Variants in DSCAML1 observed in about 807,000 individuals in gnomAD.
DSCAML1 encodes the protein cell adhesion molecule DSCAML1.
Under a neutral mutation model 200.5 loss-of-function variants are expected in DSCAML1, and 38 were observed. That is an observed-to-expected ratio of 0.19 (90% CI 0.15 to 0.25). The LOEUF is 0.25. Among genes scored for constraint, DSCAML1 ranks in the 10% least tolerant of loss-of-function variants. The pLI is 1.00. For missense variants in DSCAML1, 2,223 were observed against 2,858.8 expected (o/e 0.78, Z 5.07); for synonymous variants, 1,215 against 1,165.0 (o/e 1.04, Z -0.87).
At chr11:117,811,346 A>G (rs2134090256) in intron 1 of DSCAML1, among the ~76,000 whole-genome samples, 1 of 152,236 alleles carries the variant, frequency 6.6e-6, no homozygotes, top group South Asian at 2.1e-4. Context: ...ATTAAATAAA[A>G]CTCCAAAAAT....
At chr11:117,462,513 A>C (rs59533604) in intron 17 of DSCAML1, among the ~76,000 whole-genome samples, 24,517 of 152,224 alleles carry the variant, frequency 0.16, 3,082 homozygotes, top group East Asian at 0.46. Context: ...GAAAGGATGC[A>C]CAGGCTGGCT....
intron 3 of DSCAML1, among the ~76,000 whole-genome samples, chr11:117,600,336 C>T (rs1473828680): frequency 2.6e-5 from 4 of 152,118 alleles, no homozygotes; most frequent in Non-Finnish European, 4.4e-5. Context: ...TAACATCTTG[C>T]AGGCACGTGA....
At chr11:117,578,048 A>C (rs1450058557) in intron 3 of DSCAML1, among the ~76,000 whole-genome samples, 1 of 151,454 alleles carries the variant, frequency 6.6e-6, no homozygotes, top group Non-Finnish European at 1.5e-5. Context: ...CAGCCTGACC[A>C]GCATGGTGAA....
rs565786169 is a variant in DSCAML1, at chr11:117,504,086, G to A, written c.2183-65C>T. On this transcript the variant is annotated intron_variant, in intron 10 of 32. Coordinates refer to ENST00000651296, the MANE Select transcript of DSCAML1 (RefSeq NM_020693.4). This position sits in a 1 kb window ranked among gnomAD's most constrained non-coding sequence, Gnocchi z 5.0. ...GGGGCATAAGCTGAGAGTGCCCCAGGAGTGGCCCTGACACCTCGCTCTTGC... is the reference window on the plus strand; with the variant it reads ...GGGGCATAAGCTGAGAGTGCCCCAGAAGTGGCCCTGACACCTCGCTCTTGC... 7.1e-4 allele frequency: 1,106 copies of A among 1,559,980 alleles called. 19 individuals are homozygous for A. In the South Asian group the frequency reaches 0.012, roughly 17 times the overall value.
intron 4 of DSCAML1, among the ~76,000 whole-genome samples, chr11:117,528,325 G>T (rs2050016291): frequency 6.6e-6 from 1 of 152,174 alleles, no homozygotes; most frequent in Non-Finnish European, 1.5e-5. Context: ...AAGGGGCGGA[G>T]GGAGGGAATT....
At chr11:117,582,279 A>G (rs2137462939) in intron 3 of DSCAML1, among the ~76,000 whole-genome samples, 1 of 152,324 alleles carries the variant, frequency 6.6e-6, no homozygotes, top group East Asian at 1.9e-4. Context: ...TGAACCCACA[A>G]AACTGTTCTC....
chr11:117,531,529 C>G lies in DSCAML1; in HGVS notation c.658+847G>C, dbSNP rs200615188. Among the ~76,000 whole-genome samples the G allele has an allele frequency of 2.6e-5, 4 of 152,178 alleles. No individual in the cohort carries two copies. The East Asian group carries it at 7.7e-4, about 29-fold the overall frequency. On this transcript the variant is annotated intron_variant, in intron 4 of 32. Transcript: ENST00000651296. ...TATTTTGTTTATAAATTATGTTCTGCCTGCTTTCAAATGTTGCGAGGTGGC... is the reference window on the plus strand; with the variant it reads ...TATTTTGTTTATAAATTATGTTCTGGCTGCTTTCAAATGTTGCGAGGTGGC...
chr11:117,620,230 C>A (rs540650612), intron 3 of DSCAML1, among the ~76,000 whole-genome samples: 7 of 152,228 alleles, frequency 4.6e-5, no homozygotes, highest in Admixed American at 3.9e-4. Context: ...CAGCTCCAGC[C>A]GGCCATGATC....
intron 3 of DSCAML1, among the ~76,000 whole-genome samples, chr11:117,670,471 G>A (rs559330058): frequency 3.8e-4 from 58 of 152,282 alleles, no homozygotes; most frequent in African/African-American, 1.3e-3. Context: ...TGGGCCAGGT[G>A]TGACATAATG....
At chr11:117,561,251 A>G (rs1005886526) in intron 3 of DSCAML1, among the ~76,000 whole-genome samples, 3 of 152,220 alleles carry the variant, frequency 2.0e-5, no homozygotes, top group South Asian at 2.1e-4. Flanking sequence ...GTGAGGCTGC[A>G]GCCCAGGGCA....
At chr11:117,506,787 T>A (rs2049508484) in intron 8 of DSCAML1, among the ~76,000 whole-genome samples, 1 of 152,062 alleles carries the variant, frequency 6.6e-6, no homozygotes, top group Non-Finnish European at 1.5e-5. Context: ...TCTCAAGTGA[T>A]CCTCCCACCT....
intron 3 of DSCAML1, among the ~76,000 whole-genome samples, chr11:117,584,325 C>T (rs1042481603): frequency 2.0e-5 from 3 of 152,218 alleles, no homozygotes; most frequent in Non-Finnish European, 2.9e-5. Flanking sequence ...GCCCCACCAC[C>T]GGGATACAGT....
rs76423985 is a variant in DSCAML1, at chr11:117,448,039, G to T, written c.3708+2510C>A. Among the ~76,000 whole-genome samples, 223 of 152,308 alleles carry T rather than the reference G, an allele frequency of 1.5e-3. 4 individuals are homozygous for T. The East Asian group carries it at 0.041, about 28-fold the overall frequency. On this transcript the variant is annotated intron_variant, in intron 20 of 32. Transcript: ENST00000651296. Reference sequence around the variant, plus strand: ...AGTTCTCATCACATCAGCAGGACTTGTGTGATACTGTCTGATGGCAAATCG... The same window carrying T: ...AGTTCTCATCACATCAGCAGGACTTTTGTGATACTGTCTGATGGCAAATCG...
In DSCAML1 at chr11:117,505,191, A is replaced by C; in HGVS notation, c.2063-148T>G. 1 of 1,272,336 alleles carries C rather than the reference A, an allele frequency of 7.9e-7. No individual in the cohort carries two copies. Among genetic ancestry groups the C allele is most frequent in the Non-Finnish European group, 1.1e-6 (1 of 932,340 alleles). 78.8% of individuals were successfully genotyped at this position (1,272,336 alleles called of 1,614,324 possible). A position where few individuals can be genotyped will look rare whatever the true frequency, so the allele number is the denominator to read the frequency against. ...GTTTCTGAAACCCAAGATGCTGAGA[A>C]CTTTTGTTGAGTACTGGGTAGGGAC... On this transcript the variant is annotated intron_variant, in intron 9 of 32. Transcript: ENST00000651296. This position sits in a 1 kb window ranked among gnomAD's most constrained non-coding sequence, Gnocchi z 6.7.
chr11:117,704,357 T>G (rs1284578228), intron 3 of DSCAML1, among the ~76,000 whole-genome samples: 3 of 152,196 alleles, frequency 2.0e-5, no homozygotes, highest in Non-Finnish European at 2.9e-5. Context: ...AGTCAAAGTA[T>G]CTGCTGCTCT....
intron 1 of DSCAML1, among the ~76,000 whole-genome samples, chr11:117,812,352 T>A (rs1400338326): frequency 3.9e-5 from 6 of 152,130 alleles, no homozygotes; most frequent in Admixed American, 3.9e-4. Flanking sequence ...CTCCTTACAA[T>A]TCCCCCATTT....
At chr11:117,512,566 C>A (rs939552031) in intron 8 of DSCAML1, among the ~76,000 whole-genome samples, 11 of 152,018 alleles carry the variant, frequency 7.2e-5, no homozygotes, top group African/African-American at 2.7e-4. Context: ...TGACTACACC[C>A]GCCTCAGGGC....
chr11:117,801,060 A>G (rs1300486812), upstream of DSCAML1: 1 of 152,232 alleles, frequency 6.6e-6, no homozygotes, highest in Non-Finnish European at 1.5e-5. Flanking sequence ...TATATAGCTA[A>G]TTCAAGATTG....
In DSCAML1 at chr11:117,433,199, T is replaced by C. The variant is rs565789266; in HGVS notation, c.4965A>G (p.Leu1655=). The C allele has an allele frequency of 1.2e-6, 2 of 1,614,114 alleles. No individual in the cohort carries two copies. The highest frequency in any genetic ancestry group is 2.2e-5 in the South Asian group (2 of 91,070). ...PVKGPPQGPR[L]HIDIPRVQLL... ...GCTGGACCCTGGGGATGTCAATGTGTAGCCGTGGGCCCTGGGGTGGCCCTT... is the reference window on the plus strand; with the variant it reads ...GCTGGACCCTGGGGATGTCAATGTGCAGCCGTGGGCCCTGGGGTGGCCCTT... Residue 1655 remains leucine (L), a synonymous_variant, in exon 29 of 33, where the codon CTA becomes CTG. Coordinates refer to ENST00000651296, the MANE Select transcript of DSCAML1 (RefSeq NM_020693.4).
Sources: gnomAD v4.1 joint callset for allele counts (sites outside exome capture counted in the v4.1 genomes callset) on GRCh38, gnomAD v4.1.1 for gene constraint, Gnocchi (gnomAD v3.1) non-coding constraint, MANE v1.5 for transcripts, NCBI Gene and HGNC (gene_info 2026-07-23, HGNC 2026-07-21) for gene names.